Variants in GRID2 observed in about 807,000 individuals in gnomAD.
GRID2 encodes the protein glutamate ionotropic receptor delta type subunit 2.
Under a neutral mutation model 114.8 loss-of-function variants are expected in GRID2, and 33 were observed. The ratio of observed to expected loss-of-function variants is 0.29; its 90% CI spans 0.22 to 0.38. The LOEUF (loss-of-function observed/expected upper bound fraction) is 0.38. Among genes scored for constraint, GRID2 ranks in the 10% least tolerant of loss-of-function variants. The pLI is 1.00. For synonymous variants in GRID2, 505 were observed against 449.9 expected (o/e 1.12, Z -1.55); for missense variants, 1,184 against 1,257.7 (o/e 0.94, Z 0.89).
At chr4:92,591,727 G>T (rs967343751) in intron 2 of GRID2, among the ~76,000 whole-genome samples, 1 of 152,098 alleles carries the variant, frequency 6.6e-6, no homozygotes, top group African/African-American at 2.4e-5. Flanking sequence ...ATGTTAGTTA[G>T]AAAATAGATA....
chr4:93,603,554 G>C (rs1239519904), intron 13 of GRID2, among the ~76,000 whole-genome samples: 1 of 152,198 alleles, frequency 6.6e-6, no homozygotes, highest in Non-Finnish European at 1.5e-5. Flanking sequence ...ATTGATGGAG[G>C]TGGCTACACT....
intron 14 of GRID2, among the ~76,000 whole-genome samples, chr4:93,683,219 C>A (rs1211952332): frequency 6.6e-6 from 1 of 151,946 alleles, no homozygotes; most frequent in Admixed American, 6.6e-5. Context: ...AGGCCTGCTT[C>A]TAAACTATAA....
At chr4:92,804,386 T>C (rs1157048104) in intron 2 of GRID2, among the ~76,000 whole-genome samples, 1 of 152,004 alleles carries the variant, frequency 6.6e-6, no homozygotes, top group African/African-American at 2.4e-5. Flanking sequence ...GGATTACAAT[T>C]ATAATAGATA....
intron 1 of GRID2, among the ~76,000 whole-genome samples, chr4:92,493,127 CAAAAAAAAA>C (rs1043809824): frequency 7.0e-4 from 34 of 48,480 alleles, no homozygotes; most frequent in South Asian, 1.5e-3. Flanking sequence ...GACTCCATCT[CAAAAAAAAA>C]AAAAAAAAAA....
intron 14 of GRID2, among the ~76,000 whole-genome samples, chr4:93,682,875 T>A (rs1199623026): frequency 6.6e-6 from 1 of 151,260 alleles, no homozygotes; most frequent in East Asian, 1.9e-4. Context: ...GGCACATGTA[T>A]ACATATGTAA....
chr4:92,602,531 C>G (rs1560483253), intron 2 of GRID2, among the ~76,000 whole-genome samples: 2 of 152,094 alleles, frequency 1.3e-5, no homozygotes, highest in Admixed American at 6.6e-5. Flanking sequence ...TCTCAATAAA[C>G]TAGATATCAA....
intron 2 of GRID2, among the ~76,000 whole-genome samples, chr4:93,017,247 A>C (rs1722837297): frequency 6.6e-6 from 1 of 152,298 alleles, no homozygotes; most frequent in East Asian, 1.9e-4. Context: ...ATTGTTAACT[A>C]TGTATGTAGG....
At chr4:92,446,662 T>C (rs530592190) in intron 1 of GRID2, among the ~76,000 whole-genome samples, 1 of 152,340 alleles carries the variant, frequency 6.6e-6, no homozygotes, top group South Asian at 2.1e-4. Flanking sequence ...CCTTAGTTAC[T>C]ATCCAGTGGC....
At position 92,673,838 on chromosome 4, in the gene GRID2, G is replaced by A. The variant is rs1281070441; in HGVS notation, c.244+83552G>A. Among the ~76,000 whole-genome samples the A allele has an allele frequency of 2.0e-5, 3 of 152,200 alleles. No homozygotes were observed. In the South Asian group the frequency reaches 6.2e-4, roughly 32 times the overall value. The stretch of plus-strand genomic sequence containing the variant: ...GGGCCTGTCATGGGGTGGGGAGGAA[G>A]GGGGGAGGGATAGCATTAGGAGATA... On this transcript the variant is annotated intron_variant, in intron 2 of 15. Transcript: ENST00000282020.
chr4:93,067,209 G>A (rs1728371824), intron 2 of GRID2, among the ~76,000 whole-genome samples: 1 of 152,034 alleles, frequency 6.6e-6, no homozygotes, highest in South Asian at 2.1e-4. Context: ...CAGAAACCTA[G>A]AGGTAGTACA....
At chr4:92,807,718 A>G (rs1399296855) in intron 2 of GRID2, among the ~76,000 whole-genome samples, 1 of 152,012 alleles carries the variant, frequency 6.6e-6, no homozygotes, top group East Asian at 1.9e-4. Context: ...GACGGAAGAG[A>G]ATCAGCAGGG....
intron 2 of GRID2, among the ~76,000 whole-genome samples, chr4:93,008,641 A>C (rs1721809199): frequency 6.6e-6 from 1 of 152,102 alleles, no homozygotes; most frequent in South Asian, 2.1e-4. Context: ...TAGACATGGC[A>C]GTATTGCTGG....
In GRID2 at chr4:93,395,632, G is replaced by A; in HGVS notation, c.1271G>A (p.Gly424Asp). 1 of 1,574,244 alleles carries A rather than the reference G, an allele frequency of 6.4e-7. No homozygotes were observed. Among genetic ancestry groups the A allele is most frequent in the South Asian group, 1.1e-5 (1 of 90,194 alleles). The stretch of plus-strand genomic sequence containing the variant: ...CTTGGTTGCTGGAATCCTGTCACAG[G>A]TCTGAATGGGTCACTGACTGACAAG... ...RKLGCWNPVT[G>D]LNGSLTDKKL... Residue 424 changes from glycine (G) to aspartate (D), a missense_variant, in exon 9 of 16, where the codon GGT becomes GAT. Physicochemically the swap from Gly to Asp is moderately conservative, Grantham distance 94. This residue lies in a region of GRID2 where 717 missense variants were observed against 796.9 expected (regional missense o/e 0.90). Coordinates refer to ENST00000282020, the MANE Select transcript of GRID2 (RefSeq NM_001510.4).
chr4:92,481,981 G>GATATATATATATATAT (rs35103752), intron 1 of GRID2, among the ~76,000 whole-genome samples: 1 of 47,232 alleles, frequency 2.1e-5, no homozygotes, highest in Non-Finnish European at 4.2e-5. Context: ...AATAAAATGT[G>GATATATATATATATAT]ATATATATAT....
rs12650591 is a variant in GRID2 at position 93,033,087 on chromosome 4, A to G, written c.245-51908A>G. Among the ~76,000 whole-genome samples, 3 of 152,188 alleles carry G rather than the reference A, an allele frequency of 2.0e-5. No homozygotes were observed. In the East Asian group the frequency reaches 5.8e-4, roughly 29 times the overall value. ...GAAATATTTTCACCCAAGTATATATACTCAATATCACACACAACGATAGAC... is the reference window on the plus strand; with the variant it reads ...GAAATATTTTCACCCAAGTATATATGCTCAATATCACACACAACGATAGAC... On this transcript the variant is annotated intron_variant, in intron 2 of 15. Coordinates refer to ENST00000282020, the MANE Select transcript of GRID2 (RefSeq NM_001510.4).
intron 14 of GRID2, among the ~76,000 whole-genome samples, chr4:93,712,735 T>C (rs1012532531): frequency 6.6e-6 from 1 of 152,196 alleles, no homozygotes. Context: ...TGAAAATACA[T>C]TGATTTATGA....
chr4:92,376,341 C>T (rs947269100), intron 1 of GRID2, among the ~76,000 whole-genome samples: 2 of 151,950 alleles, frequency 1.3e-5, no homozygotes, highest in East Asian at 3.9e-4. Flanking sequence ...TCGAAAATGA[C>T]CTCCTTCATA....
intron 1 of GRID2, among the ~76,000 whole-genome samples, chr4:92,575,576 C>T (rs1393966122): frequency 6.6e-6 from 1 of 152,136 alleles, no homozygotes; most frequent in African/African-American, 2.4e-5. Flanking sequence ...GCTATAGACC[C>T]TAGTCACCTC....
intron 10 of GRID2, among the ~76,000 whole-genome samples, chr4:93,453,224 A>G (rs1329207579): frequency 1.3e-5 from 2 of 151,100 alleles, no homozygotes; most frequent in Non-Finnish European, 2.9e-5. Context: ...CCACATACTC[A>G]TTATCCATTA....
Sources: allele counts gnomAD v4.1 joint callset (sites outside exome capture counted in the v4.1 genomes callset), GRCh38; gene constraint gnomAD v4.1.1; regional missense constraint gnomAD v4.1.1; transcripts MANE v1.5; gene names NCBI Gene and HGNC (gene_info 2026-07-23, HGNC 2026-07-21).